The following ASTN1 variants were observed in gnomAD, a reference collection of about 807,000 sequenced individuals.
ASTN1 encodes astrotactin-1.
ASTN1 carries 41 observed loss-of-function variants against 140.7 expected under a neutral mutation model. That is an observed-to-expected ratio of 0.29 (90% CI 0.23 to 0.38). The LOEUF is 0.38. Among genes scored for constraint, ASTN1 ranks in the 10% least tolerant of loss-of-function variants. The pLI is 1.00. For missense variants in ASTN1, 1,479 were observed against 1,678.8 expected (o/e 0.88, Z 2.08); for synonymous variants, 640 against 652.2 (o/e 0.98, Z 0.29).
chr1:177,029,512 C>T, intron 5 of ASTN1, 122 bp downstream of exon 5: 1 of 1,037,820 alleles, frequency 9.6e-7, no homozygotes, highest in Non-Finnish European at 1.5e-6. Context: ...TCCAAAAATT[C>T]TTCTTGCAGA....
intron 2 of ASTN1, among the ~76,000 whole-genome samples, chr1:177,036,577 A>G (rs1676729965): frequency 6.6e-6 from 1 of 152,198 alleles, no homozygotes; most frequent in South Asian, 2.1e-4. Context: ...AATATGTGAC[A>G]TTATTTAATA....
chr1:176,868,598 C>A (rs559276149), intron 22 of ASTN1, among the ~76,000 whole-genome samples: 1 of 151,966 alleles, frequency 6.6e-6, no homozygotes, highest in Admixed American at 6.6e-5. Flanking sequence ...AAAAGGAGGG[C>A]AAAATAGGTC....
intron 1 of ASTN1, among the ~76,000 whole-genome samples, chr1:177,150,693 G>A (rs1361882002): frequency 6.6e-6 from 1 of 152,032 alleles, no homozygotes; most frequent in Non-Finnish European, 1.5e-5. Context: ...CCTAGTTATG[G>A]GTAAGTAAAA....
intron 1 of ASTN1, among the ~76,000 whole-genome samples, chr1:177,073,288 T>C (rs919796225): frequency 2.0e-5 from 3 of 152,062 alleles, no homozygotes; most frequent in Admixed American, 6.6e-5. Flanking sequence ...TCATAAACTG[T>C]TTAGTATTTT....
At chr1:176,868,258 T>C (rs1265804463) in intron 22 of ASTN1, among the ~76,000 whole-genome samples, 1 of 152,170 alleles carries the variant, frequency 6.6e-6, no homozygotes, top group East Asian at 1.9e-4. Context: ...TTCCAAGCAC[T>C]CTAATCTGTC....
At position 177,094,623 on chromosome 1, in the gene ASTN1, A is replaced by C. The variant is rs1305643426; in HGVS notation, c.284-33358T>G. On this transcript the variant is annotated intron_variant, in intron 1 of 22. Coordinates refer to ENST00000361833, the MANE Select transcript of ASTN1 (RefSeq NM_004319.3). The stretch of plus-strand genomic sequence containing the variant: ...GAGAAGCAAATTTCTGTTGTTTATA[A>C]GCCACCCATTGTATGGCATTTTGTT... Among the ~76,000 whole-genome samples, 3 of 152,196 alleles carry C rather than the reference A, an allele frequency of 2.0e-5. No homozygotes were observed. The East Asian group carries it at 5.8e-4, about 29-fold the overall frequency.
At chr1:176,891,971 G>T (rs1339946623) in intron 17 of ASTN1, among the ~76,000 whole-genome samples, 1 of 152,194 alleles carries the variant, frequency 6.6e-6, no homozygotes. Flanking sequence ...TGAAACTGAA[G>T]TAACAGCAGG....
chr1:176,894,791 T>A lies in ASTN1; in HGVS notation c.2711A>T (p.Asp904Val). ...PSDESEERERDPKVLTFPEYI... is the reference protein window; with the variant it reads ...PSDESEERERVPKVLTFPEYI... ...TTCTGGGAATGTCAGCACCTTGGGG[T>A]CTCTTTCCCGCTCCTCAGACTCATC... Residue 904 changes from aspartate to valine, a missense_variant, in exon 17 of 23, where the codon GAC (aspartate) becomes GTC (valine). By Grantham distance (152) the Asp-to-Val change is radical (BLOSUM62 -3). This residue lies in a region of ASTN1 where 746 missense variants were observed against 800.9 expected (regional missense o/e 0.93). Transcript: ENST00000361833. 1 of 1,613,934 alleles carries A rather than the reference T, an allele frequency of 6.2e-7. No individual in the cohort carries two copies. The highest frequency in any genetic ancestry group is 2.2e-5 in the East Asian group (1 of 44,870).
intron 1 of ASTN1, among the ~76,000 whole-genome samples, chr1:177,136,404 G>A (rs1410881151): frequency 6.9e-6 from 1 of 145,360 alleles, no homozygotes; most frequent in African/African-American, 2.5e-5. Context: ...CTAGACTGGT[G>A]TGCAGTGGTG....
chr1:176,988,880 C>A (rs1190769179), intron 8 of ASTN1, among the ~76,000 whole-genome samples: 2 of 152,146 alleles, frequency 1.3e-5, no homozygotes, highest in African/African-American at 4.8e-5. Context: ...CATATATACA[C>A]CTCCTGTCTA....
At chr1:176,869,116 A>ATAAT in intron 21 of ASTN1, 89 bp from the exon 22 acceptor site, 6 of 934,098 alleles carry the variant, frequency 6.4e-6, no homozygotes, top group Non-Finnish European at 8.8e-6. Flanking sequence ...TATATCATAT[A>ATAAT]GACATATCAC....
intron 8 of ASTN1, among the ~76,000 whole-genome samples, chr1:177,011,736 C>T (rs1304181325): frequency 1.3e-5 from 2 of 151,748 alleles, no homozygotes; most frequent in African/African-American, 4.8e-5. Flanking sequence ...CATGCGTGCA[C>T]ACACACAAAC....
chr1:177,029,886 C>T, intron 4 of ASTN1, 145 bp from the exon 5 acceptor site: 3 of 742,348 alleles, frequency 4.0e-6, no homozygotes, highest in Admixed American at 2.6e-5. Context: ...GGGGTTGGGG[C>T]TTCCTCATAC....
chr1:177,047,840 G>C (rs921963046), intron 2 of ASTN1, among the ~76,000 whole-genome samples: 4 of 152,178 alleles, frequency 2.6e-5, no homozygotes, highest in Non-Finnish European at 4.4e-5. Flanking sequence ...TGAATGGGAA[G>C]ACTGAAATCC....
Position 176,863,990 on chromosome 1 carries a change from A to AG in ASTN1, c.*293dup. On this transcript the variant is annotated 3_prime_UTR_variant, in exon 23 of 23. Transcript: ENST00000361833. Reference sequence around the variant, plus strand: ...TCTTGAGCATTTTGGTAAACTTCTCAGGGAAAAAAAAATGAATGGAACAAA... The same window carrying AG: ...TCTTGAGCATTTTGGTAAACTTCTCAGGGGAAAAAAAAATGAATGGAACAAA... 1 of 1,159,616 alleles carries AG rather than the reference A, an allele frequency of 8.6e-7. No homozygotes were observed. The highest frequency in any genetic ancestry group is 1.1e-6 in the Non-Finnish European group (1 of 936,496). The allele number at this position is 1,159,616 out of a possible 1,614,324, so 71.8% of individuals were successfully genotyped here. A position where few individuals can be genotyped will look rare whatever the true frequency, so the allele number is the denominator to read the frequency against.
intron 17 of ASTN1, among the ~76,000 whole-genome samples, chr1:176,894,169 C>T (rs754866382): frequency 9.2e-5 from 14 of 152,192 alleles, no homozygotes; most frequent in Middle Eastern, 3.4e-3. Context: ...AAGGGATCAG[C>T]GAGGGAAGCT....
intron 8 of ASTN1, chr1:176,976,020 A>G (rs1673346872): frequency 6.6e-6 from 1 of 152,146 alleles, no homozygotes; most frequent in Admixed American, 6.5e-5. Flanking sequence ...CATTTTTTAA[A>G]TTTCTGGATA....
At chr1:176,999,613 G>T (rs947407499) in intron 8 of ASTN1, among the ~76,000 whole-genome samples, 1 of 152,158 alleles carries the variant, frequency 6.6e-6, no homozygotes, top group Non-Finnish European at 1.5e-5. Flanking sequence ...TAACAATTTT[G>T]TCAGTGACTT....
At chr1:176,961,578 C>T (rs4652216) in intron 9 of ASTN1, among the ~76,000 whole-genome samples, 35,065 of 152,084 alleles carry the variant, frequency 0.23, 4,328 homozygotes, top group African/African-American at 0.32. Context: ...CAAGGTCACC[C>T]TCTGTAAATG....
Sources: gnomAD v4.1 joint callset for allele counts (sites outside exome capture counted in the v4.1 genomes callset) on GRCh38, gnomAD v4.1.1 for gene constraint, gnomAD v4.1.1 regional missense constraint, MANE v1.5 for transcripts, NCBI Gene and HGNC (gene_info 2026-07-23, HGNC 2026-07-21) for gene names.